Variants in NRXN3 observed in about 807,000 individuals in gnomAD.
The protein encoded by NRXN3 is neurexin 3.
NRXN3 carries 32 observed loss-of-function variants against 137.6 expected under a neutral mutation model. The ratio of observed to expected loss-of-function variants is 0.23; its 90% CI spans 0.18 to 0.31. NRXN3 has a LOEUF of 0.31. Ranked by LOEUF, NRXN3 falls within the 10% of genes least tolerant of loss-of-function variation. NRXN3 has a pLI of 1.00. For synonymous variants in NRXN3, 798 were observed against 784.5 expected, an observed-to-expected ratio of 1.02 and a Z score of -0.29; for missense variants, 1,574 against 2,062.5, an observed-to-expected ratio of 0.76 and a Z score of 4.59.
intron 16 of NRXN3, among the ~76,000 whole-genome samples, chr14:79,531,401 A>T (rs2097168588): frequency 6.6e-6 from 1 of 152,216 alleles, no homozygotes; most frequent in Non-Finnish European, 1.5e-5. Context: ...GAAGGGTAGA[A>T]CATTGAGATA....
rs564350275 is a variant in NRXN3 at position 79,257,795 on chromosome 14, A to G, written c.3263-209426A>G. Among the ~76,000 whole-genome samples, 10 of 152,118 alleles carry G rather than the reference A, an allele frequency of 6.6e-5. No homozygotes were observed. In the South Asian group the frequency reaches 1.0e-3, roughly 16 times the overall value. On this transcript the variant is annotated intron_variant, in intron 15 of 20. Transcript: ENST00000335750. ...CAAGTAACATTTGATTTTTAAATGTATAAAGCAAGAAGAATGTCCAGGAAC... is the reference window on the plus strand; with the variant it reads ...CAAGTAACATTTGATTTTTAAATGTGTAAAGCAAGAAGAATGTCCAGGAAC...
chr14:79,250,278 G>A (rs2075756086), intron 15 of NRXN3, among the ~76,000 whole-genome samples: 1 of 152,122 alleles, frequency 6.6e-6, no homozygotes, highest in Admixed American at 6.6e-5. Flanking sequence ...GTGAAGGAGA[G>A]AAATATGATG....
intron 15 of NRXN3, among the ~76,000 whole-genome samples, chr14:79,059,586 T>C (rs2099671634): frequency 1.3e-5 from 2 of 152,146 alleles, no homozygotes; most frequent in East Asian, 3.9e-4. Flanking sequence ...AACTTCCAGG[T>C]AGATGCTTGT....
chr14:79,743,855 G>A (rs1478071599), intron 19 of NRXN3, among the ~76,000 whole-genome samples: 1 of 152,130 alleles, frequency 6.6e-6, no homozygotes, highest in Non-Finnish European at 1.5e-5. Flanking sequence ...CATGTTTGAG[G>A]CCTCTGGGCC....
At chr14:79,049,098 T>TG (rs2099638199) in intron 15 of NRXN3, among the ~76,000 whole-genome samples, 1 of 102,310 alleles carries the variant, frequency 9.8e-6, no homozygotes. Flanking sequence ...AATAATAATA[T>TG]GATGGGGTGT....
At chr14:78,193,884 T>G (rs1265024367) in intron 1 of NRXN3, among the ~76,000 whole-genome samples, 1 of 152,024 alleles carries the variant, frequency 6.6e-6, no homozygotes, top group Non-Finnish European at 1.5e-5. Context: ...CATCAATGCA[T>G]GGTGGCTTGA....
At chr14:79,146,263 C>T (rs564191060) in intron 15 of NRXN3, among the ~76,000 whole-genome samples, 1 of 152,186 alleles carries the variant, frequency 6.6e-6, no homozygotes, top group East Asian at 1.9e-4. Context: ...TGCTCTTAAC[C>T]ACTACAGAAA....
At chr14:79,803,958 CAT>C (rs956369384) in intron 19 of NRXN3, among the ~76,000 whole-genome samples, 15 of 141,374 alleles carry the variant, frequency 1.1e-4, no homozygotes, top group African/African-American at 3.2e-4. Context: ...TATATATATA[CAT>C]ATATATGTAT....
At chr14:78,717,001 G>A (rs976396105) in intron 8 of NRXN3, among the ~76,000 whole-genome samples, 30 of 152,316 alleles carry the variant, frequency 2.0e-4, no homozygotes, top group African/African-American at 7.0e-4. Context: ...CTACCCTGGT[G>A]CTGGTTGGGG....
At chr14:78,627,948 A>G (rs1297677934) in intron 4 of NRXN3, among the ~76,000 whole-genome samples, 2 of 152,230 alleles carry the variant, frequency 1.3e-5, no homozygotes, top group African/African-American at 4.8e-5. Context: ...CTTGGAACTC[A>G]TCCAAATAGC....
chr14:79,349,673 A>G (rs2093106499), intron 15 of NRXN3, among the ~76,000 whole-genome samples: 1 of 152,074 alleles, frequency 6.6e-6, no homozygotes, highest in Admixed American at 6.6e-5. Flanking sequence ...AATTGTATAT[A>G]GTATGTTGAA....
intron 6 of NRXN3, among the ~76,000 whole-genome samples, chr14:78,707,397 G>A (rs1022197087): frequency 8.5e-5 from 13 of 152,132 alleles, no homozygotes; most frequent in African/African-American, 2.9e-4. Flanking sequence ...AAGTTTTTAT[G>A]GATACGACAT....
intron 19 of NRXN3, among the ~76,000 whole-genome samples, chr14:79,699,075 C>T (rs76287778): frequency 0.013 from 2,025 of 152,062 alleles, 54 homozygotes; most frequent in African/African-American, 0.046. Context: ...GTTATATATG[C>T]TGACAGTGTC....
At chr14:78,560,450 G>A (rs1383904160) in intron 4 of NRXN3, among the ~76,000 whole-genome samples, 1 of 152,160 alleles carries the variant, frequency 6.6e-6, no homozygotes, top group Non-Finnish European at 1.5e-5. Context: ...ATGCATGAGT[G>A]TTTATTTAAC....
chr14:78,591,849 G>A (rs2097120632), intron 4 of NRXN3, among the ~76,000 whole-genome samples: 1 of 152,148 alleles, frequency 6.6e-6, no homozygotes. Flanking sequence ...TTACTCTAAT[G>A]GTTCAGAAAT....
chr14:79,531,784 A>G (rs1465407866), intron 16 of NRXN3, among the ~76,000 whole-genome samples: 1 of 152,206 alleles, frequency 6.6e-6, no homozygotes, highest in Non-Finnish European at 1.5e-5. Context: ...TTATCCTATG[A>G]TATTTTACAC....
intron 15 of NRXN3, among the ~76,000 whole-genome samples, chr14:79,246,904 T>C (rs76873594): frequency 0.055 from 8,340 of 152,208 alleles, 621 homozygotes; most frequent in African/African-American, 0.16. Context: ...TGCTAGTGAT[T>C]ATTAGTGATT....
At chr14:78,634,681 C>T (rs538292924) in intron 4 of NRXN3, among the ~76,000 whole-genome samples, 3 of 152,222 alleles carry the variant, frequency 2.0e-5, no homozygotes, top group African/African-American at 7.2e-5. Flanking sequence ...TAGTCATGTT[C>T]GAATACCTTC....
chr14:79,692,220 T>G lies in NRXN3; in HGVS notation c.3664T>G (p.Phe1222Val). ...RFQMVKQKIP[F>V]KYNRPVEEWL... Reference sequence around the variant, plus strand: ...CCAAATGGTAAAACAGAAAATCCCCTTCAAATATAATCGGCCTGTAGAGGA... The same window carrying G: ...CCAAATGGTAAAACAGAAAATCCCCGTCAAATATAATCGGCCTGTAGAGGA... The change falls in exon 18 of 21, where the codon TTC becomes GTC. Residue 1222 changes from phenylalanine to valine, a missense_variant. By Grantham distance (50) the Phe-to-Val change is conservative. This residue lies in a region of NRXN3 where 133 missense variants were observed against 241.8 expected (regional missense o/e 0.55). Transcript: ENST00000335750. The G allele has an allele frequency of 1.2e-6, 2 of 1,610,248 alleles. No homozygotes were observed. Among genetic ancestry groups the G allele is most frequent in the Non-Finnish European group, 1.7e-6 (2 of 1,178,216 alleles).
Sources: gnomAD v4.1 joint callset for allele counts (sites outside exome capture counted in the v4.1 genomes callset) on GRCh38, gnomAD v4.1.1 for gene constraint, gnomAD v4.1.1 regional missense constraint, MANE v1.5 for transcripts, NCBI Gene and HGNC (gene_info 2026-07-23, HGNC 2026-07-21) for gene names.